The following ACP3 variants were observed in gnomAD, a reference collection of about 807,000 sequenced individuals.
The protein encoded by ACP3 is acid phosphatase 3.
In ACP3, 38 loss-of-function variants were observed where a neutral mutation model predicts 45.6. The observed-to-expected ratio is 0.83, with a 90% CI of 0.64 to 1.09. The LOEUF (loss-of-function observed/expected upper bound fraction) is 1.09, where lower values mean the gene tolerates loss of function less well. Ranked by LOEUF, ACP3 falls within the 50% of genes least tolerant of loss-of-function variation. ACP3 has a pLI of 0.00. For synonymous variants in ACP3, 162 were observed against 164.7 expected (o/e 0.98, Z 0.13); for missense variants, 466 against 463.2 (o/e 1.01, Z -0.05).
chr3:132,364,994 C>G (rs767402915), intron 10 of ACP3, among the ~76,000 whole-genome samples: 2 of 152,192 alleles, frequency 1.3e-5, no homozygotes, highest in Non-Finnish European at 2.9e-5. Flanking sequence ...TCTAATGAGA[C>G]TGTCTCTCAG....
At chr3:132,354,874 T>G (rs1160484156) in intron 9 of ACP3, among the ~76,000 whole-genome samples, 1 of 152,252 alleles carries the variant, frequency 6.6e-6, no homozygotes, top group Non-Finnish European at 1.5e-5. Context: ...GTACTCATCT[T>G]TGGCTTGTGT....
At chr3:132,359,277 C>G (rs1182262720), downstream of ACP3, among the ~76,000 whole-genome samples, 2 of 152,132 alleles carry the variant, frequency 1.3e-5, no homozygotes, top group African/African-American at 4.8e-5. Context: ...CTTTGGGAGG[C>G]CAAGGTGGGC....
chr3:132,345,181 G>A, intron 7 of ACP3, 122 bp downstream of exon 7: 2 of 881,554 alleles, frequency 2.3e-6, no homozygotes, highest in Non-Finnish European at 3.4e-6. Flanking sequence ...TCTTGCACCA[G>A]CTTCCATTCT....
intron 5 of ACP3, among the ~76,000 whole-genome samples, chr3:132,339,613 G>C (rs1485809543): frequency 1.3e-5 from 2 of 152,180 alleles, no homozygotes; most frequent in African/African-American, 4.8e-5. Context: ...CACAGTTATT[G>C]GTTATTACAA....
At chr3:132,322,171 A>T (rs572931712) in intron 1 of ACP3, among the ~76,000 whole-genome samples, 129 of 152,322 alleles carry the variant, frequency 8.5e-4, no homozygotes, top group African/African-American at 3.1e-3. Context: ...ACCTTTTCTG[A>T]TATATCACAC....
chr3:132,362,649 G>A (rs978441767), downstream of ACP3, among the ~76,000 whole-genome samples: 1 of 152,350 alleles, frequency 6.6e-6, no homozygotes, highest in African/African-American at 2.4e-5. Flanking sequence ...ATGGGTCAGA[G>A]AAGGCTTCTT....
chr3:132,367,808 T>A (rs1011911107), exon 11 of ACP3: 1 of 1,611,812 alleles, frequency 6.2e-7, no homozygotes, highest in Non-Finnish European at 8.5e-7. Flanking sequence ...GAGAGAATCC[T>A]ATGGGAACAT....
At chr3:132,356,614 G>A (rs568716010) in intron 9 of ACP3, 72 bp from the exon 10 acceptor site, 1 of 1,605,868 alleles carries the variant, frequency 6.2e-7, no homozygotes, top group Admixed American at 1.7e-5. Flanking sequence ...AATAGTCCAA[G>A]TGGAAAGAAA....
intron 7 of ACP3, among the ~76,000 whole-genome samples, chr3:132,347,432 G>A (rs896789884): frequency 6.6e-6 from 1 of 152,028 alleles, no homozygotes; most frequent in Non-Finnish European, 1.5e-5. Flanking sequence ...ACCTTTGCTA[G>A]TTTTTTTGTT....
intron 9 of ACP3, among the ~76,000 whole-genome samples, chr3:132,354,587 C>G (rs1187695645): frequency 6.6e-6 from 1 of 152,074 alleles, no homozygotes; most frequent in East Asian, 1.9e-4. Flanking sequence ...TCTGTCTAAG[C>G]CTGCTTATTA....
At chr3:132,361,705 TTTC>T (rs1938043507), downstream of ACP3, among the ~76,000 whole-genome samples, 1 of 152,244 alleles carries the variant, frequency 6.6e-6, no homozygotes, top group African/African-American at 2.4e-5. Context: ...TCCATTTTGT[TTTC>T]TTTATTCTTA....
At chr3:132,360,123 G>A (rs1044807106), downstream of ACP3, among the ~76,000 whole-genome samples, 2 of 152,132 alleles carry the variant, frequency 1.3e-5, no homozygotes, top group Non-Finnish European at 2.9e-5. Context: ...AAACTCCTGA[G>A]GTAAGAAGTG....
chr3:132,355,871 A>G (rs143905299), intron 9 of ACP3, among the ~76,000 whole-genome samples: 51 of 152,284 alleles, frequency 3.3e-4, no homozygotes, highest in Admixed American at 1.1e-3. Flanking sequence ...TTTTAAAGTG[A>G]TGTTTTAAAA....
Position 132,317,451 on chromosome 3 carries a change from C to A in ACP3, c.-6C>A. The A allele has an allele frequency of 6.2e-7, 1 of 1,610,914 alleles. No individual in the cohort carries two copies. The highest frequency in any genetic ancestry group is 8.5e-7 in the Non-Finnish European group (1 of 1,178,874). On this transcript the variant is annotated 5_prime_UTR_variant, in exon 1 of 10. Coordinates refer to ENST00000336375, the MANE Select transcript of ACP3 (RefSeq NM_001099.5). ...CTAACTCCTGCCAGAAACAGCTCTC[C>A]TCAACATGAGAGCTGCACCCCTCCT...
intron 5 of ACP3, among the ~76,000 whole-genome samples, chr3:132,339,305 A>C (rs369322365): frequency 7.2e-5 from 11 of 152,236 alleles, no homozygotes; most frequent in Non-Finnish European, 1.5e-5. Flanking sequence ...ACACAGACAG[A>C]AGACTTCTGT....
At chr3:132,363,381 C>T (rs1389737068), downstream of ACP3, among the ~76,000 whole-genome samples, 3 of 152,154 alleles carry the variant, frequency 2.0e-5, no homozygotes, top group Non-Finnish European at 4.4e-5. Flanking sequence ...TTTGTGGTCC[C>T]AATCTCAATT....
At chr3:132,320,154 G>T (rs11708107) in intron 1 of ACP3, among the ~76,000 whole-genome samples, 2 of 152,108 alleles carry the variant, frequency 1.3e-5, no homozygotes, top group South Asian at 4.1e-4. Flanking sequence ...ATGCTAATAC[G>T]CACTGTGGCT....
At chr3:132,359,041 GA>G (rs1196714015), downstream of ACP3, among the ~76,000 whole-genome samples, 1 of 152,178 alleles carries the variant, frequency 6.6e-6, no homozygotes, top group African/African-American at 2.4e-5. Flanking sequence ...ACACCCTCAG[GA>G]AGTGCACAAT....
intron 5 of ACP3, among the ~76,000 whole-genome samples, chr3:132,338,333 T>C (rs942420724): frequency 2.6e-5 from 4 of 151,940 alleles, no homozygotes; most frequent in Non-Finnish European, 4.4e-5. Flanking sequence ...TATATCTGTA[T>C]GTAAAGAGTT....
Sources: gnomAD v4.1 joint callset for allele counts (sites outside exome capture counted in the v4.1 genomes callset) on GRCh38, gnomAD v4.1.1 for gene constraint, MANE v1.5 for transcripts, NCBI Gene and HGNC (gene_info 2026-07-23, HGNC 2026-07-21) for gene names.